The following ZNRF1 variants were observed in gnomAD, a reference collection of about 807,000 sequenced individuals.
ZNRF1 encodes zinc and ring finger 1.
A neutral mutation model predicts 18.4 loss-of-function variants in ZNRF1; 3 were observed. The observed-to-expected ratio is 0.16, with a 90% CI of 0.07 to 0.42. The LOEUF is 0.42. ZNRF1 is among the 10% of genes least tolerant of loss of function. The pLI is 0.99. For synonymous variants in ZNRF1, 157 were observed against 144.2 expected (o/e 1.09, Z -0.64); for missense variants, 310 against 329.8 (o/e 0.94, Z 0.47).
At chr16:75,078,003 G>A (rs1467553745) in intron 1 of ZNRF1, among the ~76,000 whole-genome samples, 3 of 152,194 alleles carry the variant, frequency 2.0e-5, no homozygotes, top group African/African-American at 4.8e-5. Flanking sequence ...ACATTCACAG[G>A]TTCTGGGGAT....
At chr16:75,050,359 C>G (rs551544036) in intron 1 of ZNRF1, among the ~76,000 whole-genome samples, 2 of 152,156 alleles carry the variant, frequency 1.3e-5, no homozygotes, top group African/African-American at 4.8e-5. Flanking sequence ...AACCCTGTCT[C>G]TACCCAAAAT....
At chr16:75,088,104 T>C (rs2036094742) in intron 1 of ZNRF1, among the ~76,000 whole-genome samples, 1 of 152,236 alleles carries the variant, frequency 6.6e-6, no homozygotes, top group South Asian at 2.1e-4. Flanking sequence ...TGGTGTGAGC[T>C]TTTTTCCAAA....
intron 1 of ZNRF1, among the ~76,000 whole-genome samples, chr16:75,012,885 T>A (rs1374917091): frequency 6.6e-6 from 1 of 152,202 alleles, no homozygotes; most frequent in East Asian, 1.9e-4. Flanking sequence ...TCAAAGCCTG[T>A]TACCGGTTCC....
intron 1 of ZNRF1, among the ~76,000 whole-genome samples, chr16:75,007,021 C>T (rs895978279): frequency 1.3e-5 from 2 of 151,468 alleles, no homozygotes; most frequent in African/African-American, 4.9e-5. Flanking sequence ...AAGACCAGCC[C>T]TCAAGTGTGA....
chr16:75,103,741 C>G (rs141439795), intron 2 of ZNRF1, among the ~76,000 whole-genome samples: 6,609 of 152,120 alleles, frequency 0.043, 479 homozygotes, highest in African/African-American at 0.15. Context: ...AATCCCAGCA[C>G]TTTGGGAGGC....
chr16:75,068,311 C>G (rs954124349), intron 1 of ZNRF1, among the ~76,000 whole-genome samples: 6 of 151,746 alleles, frequency 4.0e-5, no homozygotes, highest in Middle Eastern at 3.2e-3. Context: ...CTGCAGTGAA[C>G]TGTGATCACA....
intron 1 of ZNRF1, among the ~76,000 whole-genome samples, chr16:75,029,545 T>C (rs925251132): frequency 6.6e-6 from 1 of 152,224 alleles, no homozygotes; most frequent in African/African-American, 2.4e-5. Context: ...GGCGGGCAGA[T>C]CACTTGAGGT....
intron 1 of ZNRF1, among the ~76,000 whole-genome samples, chr16:75,040,676 G>A (rs1263968668): frequency 1.4e-5 from 2 of 140,416 alleles, no homozygotes; most frequent in Admixed American, 1.5e-4. Flanking sequence ...GCGCAATCTC[G>A]GCTCACTGCA....
chr16:75,080,499 A>T (rs1313129241), intron 1 of ZNRF1, among the ~76,000 whole-genome samples: 1 of 152,262 alleles, frequency 6.6e-6, no homozygotes, highest in African/African-American at 2.4e-5. Context: ...AATTCCTATC[A>T]GCCAGTAGGG....
At chr16:75,020,499 A>G (rs999629809) in intron 1 of ZNRF1, among the ~76,000 whole-genome samples, 4 of 151,640 alleles carry the variant, frequency 2.6e-5, no homozygotes, top group African/African-American at 7.3e-5. Flanking sequence ...GCTATTGACC[A>G]TGTTTTGTTT....
At chr16:75,078,342 A>C (rs1256194848) in intron 1 of ZNRF1, among the ~76,000 whole-genome samples, 1 of 124,212 alleles carries the variant, frequency 8.1e-6, no homozygotes, top group Non-Finnish European at 1.6e-5. Context: ...TCTGTTGCCC[A>C]GGCTGGAGTG....
intron 1 of ZNRF1, among the ~76,000 whole-genome samples, chr16:75,029,477 C>T (rs1263762131): frequency 6.6e-6 from 1 of 152,058 alleles, no homozygotes; most frequent in Non-Finnish European, 1.5e-5. Flanking sequence ...AAACAAAAAA[C>T]TATTATTGGC....
chr16:75,086,421 A>C (rs1045353432), intron 1 of ZNRF1, among the ~76,000 whole-genome samples: 2 of 152,222 alleles, frequency 1.3e-5, no homozygotes, highest in Non-Finnish European at 2.9e-5. Flanking sequence ...GTTTTCGAAG[A>C]GGCAAAAGCC....
At chr16:75,023,216 C>T (rs546467504) in intron 1 of ZNRF1, among the ~76,000 whole-genome samples, 1 of 152,278 alleles carries the variant, frequency 6.6e-6, no homozygotes, top group African/African-American at 2.4e-5. Flanking sequence ...CTCATCTTTT[C>T]TCTCCACCCC....
At chr16:75,037,166 A>C (rs1211880585) in intron 1 of ZNRF1, among the ~76,000 whole-genome samples, 1 of 152,192 alleles carries the variant, frequency 6.6e-6, no homozygotes, top group Admixed American at 6.5e-5. Flanking sequence ...AATGGATGAT[A>C]CTGTTGAGAT....
intron 1 of ZNRF1, among the ~76,000 whole-genome samples, chr16:75,059,230 TTTTTTTTTTTTTTTC>T (rs1183223163): frequency 0.035 from 629 of 18,154 alleles, 5 homozygotes; most frequent in African/African-American, 0.051. Context: ...TCTTTCTTTC[TTTTTTTTTTTTTTTC>T]TTTTTTTTTT....
At chr16:75,095,653 A>G (rs928542478) in intron 2 of ZNRF1, 2 of 1,550,030 alleles carry the variant, frequency 1.3e-6, no homozygotes, top group Non-Finnish European at 1.7e-6. Flanking sequence ...GGCTCTCAGG[A>G]AGAACTTTGC....
intron 1 of ZNRF1, among the ~76,000 whole-genome samples, chr16:75,091,860 C>T (rs1567492903): frequency 6.6e-6 from 1 of 152,104 alleles, no homozygotes; most frequent in African/African-American, 2.4e-5. Flanking sequence ...TTGACTCCCC[C>T]ACAACTTAAC....
At chr16:75,079,158 C>G (rs1013842375) in intron 1 of ZNRF1, among the ~76,000 whole-genome samples, 4 of 152,166 alleles carry the variant, frequency 2.6e-5, no homozygotes, top group East Asian at 1.9e-4. Context: ...CCTTCTCGTT[C>G]GTGCTTTCTG....
Sources: gnomAD v4.1 joint callset for allele counts (sites outside exome capture counted in the v4.1 genomes callset) on GRCh38, gnomAD v4.1.1 for gene constraint, MANE v1.5 for transcripts, NCBI Gene and HGNC (gene_info 2026-07-23, HGNC 2026-07-21) for gene names.